Variants in YEATS2 observed in about 807,000 individuals in gnomAD.
The protein encoded by YEATS2 is YEATS domain-containing protein 2.
A neutral mutation model predicts 163.2 loss-of-function variants in YEATS2; 77 were observed. The ratio of observed to expected loss-of-function variants is 0.47; its 90% CI spans 0.39 to 0.57. The LOEUF is 0.57. Among genes scored for constraint, YEATS2 ranks in the 20% least tolerant of loss-of-function variants. The pLI is 0.00. For synonymous variants in YEATS2, 631 were observed against 645.1 expected (o/e 0.98, Z 0.33); for missense variants, 1,549 against 1,729.8 (o/e 0.90, Z 1.85).
chr3:183,756,323 A>G (rs969996657), intron 11 of YEATS2, among the ~76,000 whole-genome samples: 1 of 152,160 alleles, frequency 6.6e-6, no homozygotes, highest in Non-Finnish European at 1.5e-5. Flanking sequence ...ATCCATGGAT[A>G]AGGATGCAGA....
At chr3:183,710,435 C>A (rs1715082292) in intron 1 of YEATS2, among the ~76,000 whole-genome samples, 1 of 152,188 alleles carries the variant, frequency 6.6e-6, no homozygotes, top group South Asian at 2.1e-4. Context: ...CATTATTATT[C>A]TTGTGAGACA....
chr3:183,754,095 A>G (rs368713074), intron 10 of YEATS2, 31 bp from the exon 11 acceptor site: 11 of 1,510,076 alleles, frequency 7.3e-6, no homozygotes, highest in Non-Finnish European at 3.6e-6. Context: ...GCGATTGATG[A>G]CTTGCCGTTT....
intron 20 of YEATS2, among the ~76,000 whole-genome samples, chr3:183,790,404 G>T (rs200354359): frequency 2.2e-5 from 1 of 44,708 alleles, no homozygotes; most frequent in Non-Finnish European, 5.1e-5. Flanking sequence ...GACTGTAGAT[G>T]TTTGTTCAAT....
intron 7 of YEATS2, among the ~76,000 whole-genome samples, chr3:183,733,930 G>A (rs1718075026): frequency 6.6e-6 from 1 of 152,092 alleles, no homozygotes; most frequent in Non-Finnish European, 1.5e-5. Flanking sequence ...ATGAGCACGG[G>A]GCCTTGGCTT....
chr3:183,728,283 A>T (rs1414551210), intron 6 of YEATS2, among the ~76,000 whole-genome samples: 1 of 152,142 alleles, frequency 6.6e-6, no homozygotes, highest in South Asian at 2.1e-4. Flanking sequence ...ACTCTTTGAG[A>T]TTACTGTCTC....
chr3:183,722,717 A>G (rs1461629262), intron 5 of YEATS2, among the ~76,000 whole-genome samples: 1 of 152,144 alleles, frequency 6.6e-6, no homozygotes, highest in African/African-American at 2.4e-5. Flanking sequence ...CAGTGGCGCA[A>G]TCTCGGCTCA....
intron 11 of YEATS2, among the ~76,000 whole-genome samples, chr3:183,755,642 CT>C (rs1325684708): frequency 6.7e-6 from 1 of 149,672 alleles, no homozygotes; most frequent in Non-Finnish European, 1.5e-5. Flanking sequence ...TTGACAGAGA[CT>C]TTTATTCTGG....
chr3:183,762,925 C>T (rs1560285337), intron 15 of YEATS2, among the ~76,000 whole-genome samples: 1 of 152,042 alleles, frequency 6.6e-6, no homozygotes, highest in Non-Finnish European at 1.5e-5. Context: ...GTGGCACATG[C>T]CTGTAATCCC....
intron 15 of YEATS2, among the ~76,000 whole-genome samples, chr3:183,772,014 A>T (rs1294997739): frequency 2.0e-5 from 3 of 152,148 alleles, no homozygotes; most frequent in African/African-American, 7.2e-5. Context: ...GGCATGAGCC[A>T]CCACGCCCGG....
intron 7 of YEATS2, among the ~76,000 whole-genome samples, chr3:183,734,350 TG>T (rs1300753033): frequency 1.3e-5 from 2 of 152,192 alleles, no homozygotes; most frequent in Non-Finnish European, 2.9e-5. Context: ...GCTTATTTGC[TG>T]TGTGACCTTG....
intron 26 of YEATS2, 96 bp from the exon 27 acceptor site, chr3:183,803,891 G>A (rs913298585): frequency 7.5e-7 from 1 of 1,341,506 alleles, no homozygotes; most frequent in South Asian, 1.4e-5. Flanking sequence ...AATTCTAACA[G>A]GTTAGGTTAG....
Position 183,772,466 on chromosome 3 carries a change from T to A in YEATS2, c.2109T>A (p.Ser703Arg). Residue 703 changes from serine to arginine, a missense_variant, in exon 16 of 31, where the codon AGT becomes AGA. By Grantham distance (110) the Ser-to-Arg change is moderately radical. Coordinates refer to ENST00000305135, the MANE Select transcript of YEATS2 (RefSeq NM_018023.5). Reference sequence around the variant, plus strand: ...AAGGAGTTGCCAAAGCAATTGTGAGTGGAGGTGGAGGAACCATTGTTGCTC... The same window carrying A: ...AAGGAGTTGCCAAAGCAATTGTGAGAGGAGGTGGAGGAACCATTGTTGCTC... ...VTQGVAKAIVSGGGGTIVAQP... is the reference protein window; with the variant it reads ...VTQGVAKAIVRGGGGTIVAQP... 1 of 1,613,908 alleles carries A rather than the reference T, an allele frequency of 6.2e-7. No individual in the cohort carries two copies. The highest frequency in any genetic ancestry group is 1.1e-5 in the South Asian group (1 of 91,064).
intron 23 of YEATS2, among the ~76,000 whole-genome samples, 178 bp from the exon 24 acceptor site, chr3:183,800,288 C>T (rs1451105154): frequency 3.3e-5 from 5 of 152,212 alleles, no homozygotes; most frequent in Admixed American, 3.3e-4. Context: ...AACAGTTCTT[C>T]CCTTGTCTGA....
At position 183,778,322 on chromosome 3, in the gene YEATS2, TCA is replaced by T. The variant is rs199633121; in HGVS notation, c.2736+623_2736+624del. Among the ~76,000 whole-genome samples, 211 of 152,220 alleles carry T rather than the reference TCA, an allele frequency of 1.4e-3. 2 individuals are homozygous for T. The East Asian group carries it at 0.034, about 24-fold the overall frequency. ...AGCAAAGACAAAATGAGAAGCATGG[TCA>T]GTTTTAAAGTCACACTATTTGTGAG... On this transcript the variant is annotated intron_variant, in intron 19 of 30. Transcript: ENST00000305135.
At chr3:183,705,341 C>T (rs1168380554) in intron 1 of YEATS2, among the ~76,000 whole-genome samples, 1 of 152,198 alleles carries the variant, frequency 6.6e-6, no homozygotes, top group Non-Finnish European at 1.5e-5. Flanking sequence ...TGAGCCACCA[C>T]GCCCGGCCTA....
chr3:183,780,857 T>A (rs1723498614), intron 19 of YEATS2, among the ~76,000 whole-genome samples: 1 of 152,212 alleles, frequency 6.6e-6, no homozygotes, highest in Non-Finnish European at 1.5e-5. Flanking sequence ...TGCTTGTATA[T>A]CTGTGGAACA....
intron 4 of YEATS2, 86 bp from the exon 5 acceptor site, chr3:183,721,805 T>C: frequency 6.6e-7 from 1 of 1,512,976 alleles, no homozygotes; most frequent in Non-Finnish European, 8.9e-7. Flanking sequence ...GATCCTGTAA[T>C]AGATAAGGTT....
chr3:183,718,631 A>T, intron 4 of YEATS2, 39 bp downstream of exon 4: 1 of 1,480,340 alleles, frequency 6.8e-7, no homozygotes, highest in Non-Finnish European at 9.3e-7. Context: ...CCAGCCACTC[A>T]TATTTGTTGT....
At chr3:183,808,278 T>C (rs564053027) in intron 29 of YEATS2, 174 bp downstream of exon 29, 1 of 592,430 alleles carries the variant, frequency 1.7e-6, no homozygotes, top group Non-Finnish European at 2.9e-6. Context: ...GATTTTTAAA[T>C]GGACTAAGTT....
Sources: allele counts gnomAD v4.1 joint callset (sites outside exome capture counted in the v4.1 genomes callset), GRCh38; gene constraint gnomAD v4.1.1; transcripts MANE v1.5; gene names NCBI Gene and HGNC (gene_info 2026-07-23, HGNC 2026-07-21).